LSG1: variants seen among roughly 807,000 people sequenced by gnomAD.
LSG1 encodes large subunit GTPase 1 homolog.
A neutral mutation model predicts 82.6 loss-of-function variants in LSG1; 55 were observed. The observed-to-expected ratio is 0.67, with a 90% CI of 0.54 to 0.83. LSG1 has a LOEUF of 0.83. Among genes scored for constraint, LSG1 ranks in the 40% least tolerant of loss-of-function variants. LSG1 has a pLI of 0.00. For synonymous variants in LSG1, 272 were observed against 282.5 expected, an observed-to-expected ratio of 0.96 and a Z score of 0.37; for missense variants, 809 against 807.9, an observed-to-expected ratio of 1.00 and a Z score of -0.02.
chr3:194,647,655 A>G (rs1024534226), intron 11 of LSG1, among the ~76,000 whole-genome samples: 2 of 152,216 alleles, frequency 1.3e-5, no homozygotes, highest in African/African-American at 2.4e-5. Context: ...CATTATTTTC[A>G]GTTGTATCGG....
chr3:194,645,571 GACAGACACACACACACACACAC>G lies in LSG1; in HGVS notation c.1623+571_1623+592del, dbSNP rs1718525178. Among the ~76,000 whole-genome samples, 33 of 41,330 alleles carry G rather than the reference GACAGACACACACACACACACAC, an allele frequency of 8.0e-4. 3 individuals carry two copies. The highest frequency in any genetic ancestry group is 0.013 in the Middle Eastern group (1 of 76). 27.1% of individuals were successfully genotyped at this position (41,330 alleles called of 152,430 possible). A position where few individuals can be genotyped will look rare whatever the true frequency, so the allele number is the denominator to read the frequency against. On this transcript the variant is annotated intron_variant, in intron 12 of 13. Coordinates refer to ENST00000265245, the MANE Select transcript of LSG1 (RefSeq NM_018385.3). ...ACACACACACACACACACACACACA[GACAGACACACACACACACACAC>G]ACACACACACACACACACACACACA... is the stretch of plus-strand genomic sequence containing the variant.
At position 194,646,097 on chromosome 3, in the gene LSG1, T is replaced by C. The variant is rs1718544373; in HGVS notation, c.1623+67A>G. The stretch of plus-strand genomic sequence containing the variant: ...CCTTTATAATCGAACAGGTTACCAT[T>C]ATCTAAGAACGCAGAATGTGGAAAA... On this transcript the variant is annotated intron_variant, in intron 12 of 13. Coordinates refer to ENST00000265245, the MANE Select transcript of LSG1 (RefSeq NM_018385.3). 14 of 1,472,876 alleles carry C rather than the reference T, an allele frequency of 9.5e-6. No individual in the cohort carries two copies. The South Asian group carries it at 1.4e-4, about 15-fold the overall frequency. The allele number at this position is 1,472,876 out of a possible 1,614,324, so 91.2% of individuals were successfully genotyped here. A position where few individuals can be genotyped will look rare whatever the true frequency, so the allele number is the denominator to read the frequency against.
rs916792033 is a variant in LSG1, at chr3:194,666,549, G to A, written c.250C>T (p.Pro84Ser). ...AGTAGTCCAGTTCTAGCCTCAGCAG[G>A]CACAAACTTAATATTAAGTTTCTCT... ...VAEKLNIKFVPAEARTGLLSF... is the reference protein window; with the variant it reads ...VAEKLNIKFVSAEARTGLLSF... Residue 84 changes from proline to serine, a missense_variant, in exon 3 of 14, where the codon CCT becomes TCT. Physicochemically the swap from Pro to Ser is moderately conservative, Grantham distance 74 (BLOSUM62 -1). Transcript: ENST00000265245. 1 of 1,611,674 alleles carries A rather than the reference G, an allele frequency of 6.2e-7. No homozygotes were observed. Among genetic ancestry groups the A allele is most frequent in the African/African-American group, 1.3e-5 (1 of 74,760 alleles).
intron 5 of LSG1, among the ~76,000 whole-genome samples, chr3:194,663,971 G>A (rs1368117757): frequency 6.6e-6 from 1 of 152,132 alleles, no homozygotes. Flanking sequence ...TTTAGTCCAA[G>A]TACTGTTTTC....
intron 7 of LSG1, among the ~76,000 whole-genome samples, chr3:194,656,519 G>C (rs950160438): frequency 6.6e-6 from 1 of 152,016 alleles, no homozygotes; most frequent in Non-Finnish European, 1.5e-5. Flanking sequence ...AGAGGATGTG[G>C]AGAAATAGGA....
intron 2 of LSG1, among the ~76,000 whole-genome samples, chr3:194,667,942 A>AAAAAAAAAAAAAAAATATATATAT (rs1416407494): frequency 1.1e-5 from 1 of 86,962 alleles, no homozygotes; most frequent in Non-Finnish European, 2.0e-5. Context: ...AAAAAAAAAA[A>AAAAAAAAAAAAAAAATATATATAT]ATATATATAT....
At chr3:194,651,511 CT>C (rs1718673832) in intron 8 of LSG1, 1 of 373,590 alleles carries the variant, frequency 2.7e-6, no homozygotes, top group Non-Finnish European at 4.9e-6. Flanking sequence ...CCTTCCCTCA[CT>C]GCCCCATCTA....
intron 12 of LSG1, chr3:194,645,234 C>G (rs1227534545): frequency 6.6e-6 from 1 of 152,368 alleles, no homozygotes; most frequent in African/African-American, 2.4e-5. Context: ...TCTTTACATC[C>G]TCCACAGTAA....
chr3:194,654,031 C>T (rs1718742342), intron 7 of LSG1, among the ~76,000 whole-genome samples: 1 of 152,236 alleles, frequency 6.6e-6, no homozygotes, highest in African/African-American at 2.4e-5. Context: ...ACACATTTAA[C>T]ATACTCCTCT....
At chr3:194,661,195 G>A (rs565789809) in intron 5 of LSG1, among the ~76,000 whole-genome samples, 2 of 152,330 alleles carry the variant, frequency 1.3e-5, no homozygotes, top group African/African-American at 4.8e-5. Context: ...CAAACTCACA[G>A]AGTTGCTAAT....
chr3:194,651,999 A>AG (rs1325826617), intron 8 of LSG1, among the ~76,000 whole-genome samples: 2 of 152,136 alleles, frequency 1.3e-5, no homozygotes, highest in African/African-American at 4.8e-5. Flanking sequence ...GGCAGAGAGA[A>AG]GGGGGCTCAA....
At chr3:194,660,004 G>T in intron 6 of LSG1, 69 bp downstream of exon 6, 2 of 1,316,782 alleles carry the variant, frequency 1.5e-6, no homozygotes, top group Non-Finnish European at 1.1e-6. Context: ...TACAGTCATT[G>T]CTGAGGGATG....
rs200063183 is a variant in LSG1 at position 194,665,583 on chromosome 3, G to A, written c.495C>T (p.Arg165=). 2.2e-4 allele frequency: 350 copies of A among 1,613,146 alleles called. 1 individual carries two copies. The highest frequency in any genetic ancestry group is 4.3e-5 in the Non-Finnish European group (51 of 1,179,682). Residue 165 remains arginine, a synonymous_variant, in exon 5 of 14, where the codon CGC becomes CGT. Coordinates refer to ENST00000265245, the MANE Select transcript of LSG1 (RefSeq NM_018385.3). ...TTCTCTCAATGACTCTCCAGAGCTG[G>A]CGCCAAAAGTCCAAATTTCGTTCAA... ...TPFERNLDFW[R]QLWRVIERSD... is the part of the protein sequence containing the mutation.
intron 10 of LSG1, among the ~76,000 whole-genome samples, chr3:194,649,220 T>C (rs1335679260): frequency 1.3e-5 from 2 of 152,132 alleles, no homozygotes; most frequent in African/African-American, 4.8e-5. Flanking sequence ...CTTAAGCCAC[T>C]AACAATATTC....
At position 194,650,876 on chromosome 3, in the gene LSG1, G is replaced by A. The variant is rs868754098; in HGVS notation, c.1419+5C>T. On this transcript the variant is annotated splice_donor_5th_base_variant and intron_variant, in intron 10 of 13. Coordinates refer to ENST00000265245, the MANE Select transcript of LSG1 (RefSeq NM_018385.3). ...ACTAGAGTGTTTCCAAAGCAGAAAGGATATTAGTGATACAGGAGGAACATG... is the reference window on the plus strand; with the variant it reads ...ACTAGAGTGTTTCCAAAGCAGAAAGAATATTAGTGATACAGGAGGAACATG... The A allele has an allele frequency of 6.2e-7, 1 of 1,611,028 alleles. No individual in the cohort carries two copies.
intron 1 of LSG1, 180 bp downstream of exon 1, chr3:194,671,884 T>G: frequency 1.5e-6 from 1 of 657,732 alleles, no homozygotes; most frequent in South Asian, 1.7e-5. Flanking sequence ...TTCTCCTACC[T>G]TTGTGTTCTG....
rs869241312 is a variant in LSG1 at position 194,645,527 on chromosome 3, CACAGACAG to C, written c.1623+629_1623+636del. ...ACACACACACACACACACACACACA[CACAGACAG>C]ACACACACACACACACACACACACA... is the stretch of plus-strand genomic sequence containing the variant. On this transcript the variant is annotated intron_variant, in intron 12 of 13. Transcript: ENST00000265245. 7.3e-4 allele frequency: 27 copies of C among 37,076 alleles called. 2 individuals are homozygous for C. Among genetic ancestry groups the C allele is most frequent in the South Asian group, 1.6e-3 (2 of 1,252 alleles). 2.3% of individuals were successfully genotyped at this position (37,076 alleles called of 1,614,324 possible).
At chr3:194,665,483 G>A (rs1719012591) in intron 5 of LSG1, 74 bp downstream of exon 5, 1 of 1,044,870 alleles carries the variant, frequency 9.6e-7, no homozygotes, top group Non-Finnish European at 1.5e-6. Context: ...GAGCCTATAA[G>A]CCTATATCAA....
At chr3:194,648,000 C>G (rs887956682) in intron 11 of LSG1, among the ~76,000 whole-genome samples, 1 of 151,882 alleles carries the variant, frequency 6.6e-6, no homozygotes, top group Admixed American at 6.6e-5. Flanking sequence ...CTCAAATAAG[C>G]TGAACTCCTT....
Sources: allele counts gnomAD v4.1 joint callset (sites outside exome capture counted in the v4.1 genomes callset), GRCh38; gene constraint gnomAD v4.1.1; transcripts MANE v1.5; gene names NCBI Gene and HGNC (gene_info 2026-07-23, HGNC 2026-07-21).